Variants in FOXN3 observed in about 807,000 individuals in gnomAD.
FOXN3 encodes the protein forkhead box N3.
In FOXN3, 7 loss-of-function variants were observed where a neutral mutation model predicts 38.4. That is an observed-to-expected ratio of 0.18 (90% CI 0.10 to 0.34). The LOEUF is 0.34. Among genes scored for constraint, FOXN3 ranks in the 10% least tolerant of loss-of-function variants. The pLI, the probability that FOXN3 is intolerant of heterozygous loss-of-function variation, is 1.00. For synonymous variants in FOXN3, 230 were observed against 242.2 expected (o/e 0.95, Z 0.47); for missense variants, 456 against 613.4 (o/e 0.74, Z 2.71).
intron 1 of FOXN3, among the ~76,000 whole-genome samples, chr14:89,603,319 G>A (rs1026401449): frequency 1.3e-5 from 2 of 152,066 alleles, no homozygotes; most frequent in South Asian, 2.1e-4. Context: ...TCCACTAATC[G>A]GGTCACCCAT....
intron 1 of FOXN3, among the ~76,000 whole-genome samples, chr14:89,512,949 G>C (rs900317565): frequency 6.6e-6 from 1 of 151,952 alleles, no homozygotes; most frequent in African/African-American, 2.4e-5. Flanking sequence ...GACCAGCCTG[G>C]CCAAGATGGT....
At chr14:89,564,232 A>G (rs1229934045) in intron 1 of FOXN3, among the ~76,000 whole-genome samples, 1 of 152,152 alleles carries the variant, frequency 6.6e-6, no homozygotes, top group Admixed American at 6.5e-5. Context: ...TACTAAATAT[A>G]CAATAAATAA....
chr14:89,441,652 G>T (rs986324681), intron 1 of FOXN3, among the ~76,000 whole-genome samples: 2 of 152,188 alleles, frequency 1.3e-5, no homozygotes, highest in Non-Finnish European at 1.5e-5. Flanking sequence ...GTATGGATAT[G>T]CAAAGTCCCC....
At chr14:89,395,577 C>T (rs1891079239) in intron 2 of FOXN3, among the ~76,000 whole-genome samples, 1 of 152,110 alleles carries the variant, frequency 6.6e-6, no homozygotes, top group African/African-American at 2.4e-5. Context: ...GTCTCTCCCA[C>T]TAGACTAGAA....
intron 2 of FOXN3, among the ~76,000 whole-genome samples, chr14:89,374,422 G>A (rs1316883768): frequency 2.0e-5 from 3 of 152,040 alleles, no homozygotes; most frequent in African/African-American, 7.3e-5. Context: ...CCACTCCTGG[G>A]TATTTCTTCA....
intron 1 of FOXN3, among the ~76,000 whole-genome samples, chr14:89,414,562 T>C (rs2140099462): frequency 6.7e-6 from 1 of 149,624 alleles, no homozygotes; most frequent in African/African-American, 2.4e-5. Flanking sequence ...TTTTTTTTTT[T>C]TTTTTTTTTG....
intron 3 of FOXN3, among the ~76,000 whole-genome samples, chr14:89,346,406 T>C (rs1030586757): frequency 6.6e-6 from 1 of 152,330 alleles, no homozygotes; most frequent in Middle Eastern, 3.4e-3. Flanking sequence ...TAATAGATTC[T>C]AAGACTTTCC....
chr14:89,184,822 T>C lies in FOXN3; in HGVS notation c.746-4016A>G, dbSNP rs559936871. Among the ~76,000 whole-genome samples, 7 of 152,372 alleles carry C rather than the reference T, an allele frequency of 4.6e-5. No homozygotes were observed. In the East Asian group the frequency reaches 1.2e-3, roughly 25 times the overall value. On this transcript the variant is annotated intron_variant, in intron 4 of 5. Coordinates refer to ENST00000557258, the MANE Select transcript of FOXN3 (RefSeq NM_005197.4). ...ATCGTCATCGTCACCGTCATCCTTC[T>C]GCCATCCTATATCACCTCTCCAGCA...
intron 1 of FOXN3, among the ~76,000 whole-genome samples, chr14:89,540,406 T>A (rs74078969): frequency 0.02 from 3,004 of 152,182 alleles, 110 homozygotes; most frequent in African/African-American, 0.069. Context: ...AAATCTCGCA[T>A]ATAAAGTTGG....
chr14:89,498,210 CTTTTTTTTTT>C (rs547081117), intron 1 of FOXN3, among the ~76,000 whole-genome samples: 1 of 81,072 alleles, frequency 1.2e-5, no homozygotes, highest in Admixed American at 1.6e-4. Context: ...CTCTCTCTCT[CTTTTTTTTTT>C]TTTTTTTTTT....
At chr14:89,291,079 G>A (rs1405504314) in intron 3 of FOXN3, 3 of 504,098 alleles carry the variant, frequency 6.0e-6, no homozygotes, top group African/African-American at 2.0e-5. Context: ...TCCACACGGT[G>A]TAAATCATGT....
At chr14:89,365,755 C>G (rs1890122698) in intron 2 of FOXN3, among the ~76,000 whole-genome samples, 1 of 152,196 alleles carries the variant, frequency 6.6e-6, no homozygotes, top group African/African-American at 2.4e-5. Flanking sequence ...TTATATACTT[C>G]TAATAGCTGC....
intron 1 of FOXN3, among the ~76,000 whole-genome samples, chr14:89,585,782 GAAGA>G (rs1252644324): frequency 6.2e-4 from 94 of 151,058 alleles, no homozygotes; most frequent in African/African-American, 1.7e-3. Flanking sequence ...AGAAAGGAAG[GAAGA>G]AAGAAAGAAA....
At chr14:89,229,938 A>T (rs1884758871) in intron 4 of FOXN3, among the ~76,000 whole-genome samples, 1 of 152,188 alleles carries the variant, frequency 6.6e-6, no homozygotes, top group Non-Finnish European at 1.5e-5. Flanking sequence ...CCAGAATCCA[A>T]ACAAAGCAGT....
At chr14:89,293,115 G>A (rs1472760651) in intron 3 of FOXN3, among the ~76,000 whole-genome samples, 1 of 152,130 alleles carries the variant, frequency 6.6e-6, no homozygotes. Flanking sequence ...GGAAAGGTTG[G>A]GTTTGCCACT....
At chr14:89,351,469 G>A (rs1003730607) in intron 2 of FOXN3, 1 of 152,180 alleles carries the variant, frequency 6.6e-6, no homozygotes, top group Non-Finnish European at 1.5e-5. Flanking sequence ...ATTAAGAGTT[G>A]AATCTTTAGA....
At chr14:89,234,366 G>A (rs1884915204) in intron 4 of FOXN3, among the ~76,000 whole-genome samples, 1 of 152,128 alleles carries the variant, frequency 6.6e-6, no homozygotes, top group Non-Finnish European at 1.5e-5. Context: ...CTTAAGCCTT[G>A]GCGTTCCAAG....
intron 3 of FOXN3, chr14:89,350,277 G>A (rs965054103): frequency 6.4e-6 from 1 of 156,712 alleles, no homozygotes; most frequent in African/African-American, 2.4e-5. Flanking sequence ...GGACAACTGA[G>A]TGAGCCTCCA....
chr14:89,599,299 G>A (rs1359837533), intron 1 of FOXN3, among the ~76,000 whole-genome samples: 1 of 152,086 alleles, frequency 6.6e-6, no homozygotes, highest in African/African-American at 2.4e-5. Flanking sequence ...ATTCATTTAT[G>A]CAACCATAAC....
Sources: gnomAD v4.1 joint callset for allele counts (sites outside exome capture counted in the v4.1 genomes callset) on GRCh38, gnomAD v4.1.1 for gene constraint, MANE v1.5 for transcripts, NCBI Gene and HGNC (gene_info 2026-07-23, HGNC 2026-07-21) for gene names.